The following PPFIA4 variants were observed in gnomAD, a reference collection of about 807,000 sequenced individuals.
The protein encoded by PPFIA4 is liprin-alpha-4.
PPFIA4 carries 98 observed loss-of-function variants against 145.7 expected under a neutral mutation model. That is an observed-to-expected ratio of 0.67 (90% CI 0.57 to 0.80). The LOEUF (loss-of-function observed/expected upper bound fraction) is 0.80. PPFIA4 is among the 30% of genes least tolerant of loss of function. The pLI, the probability that PPFIA4 is intolerant of heterozygous loss-of-function variation, is 0.00. For synonymous variants in PPFIA4, 628 were observed against 649.6 expected, an observed-to-expected ratio of 0.97 and a Z score of 0.51; for missense variants, 1,457 against 1,632.7, an observed-to-expected ratio of 0.89 and a Z score of 1.85.
In PPFIA4 at chr1:203,075,975, G is replaced by T. The variant is rs550483062; in HGVS notation, c.3574+218G>T. The T allele has an allele frequency of 5.5e-4, 294 of 534,522 alleles. 1 individual carries two copies. In the African/African-American group the frequency reaches 5.7e-3, roughly 10 times the overall value. 33.1% of individuals were successfully genotyped at this position (534,522 alleles called of 1,614,324 possible). Reference sequence around the variant, plus strand: ...GCTGCCGACTTCTCCCAGCTGGGACGGCGGGGTCGCAGAGACTGGAGACCT... The same window carrying T: ...GCTGCCGACTTCTCCCAGCTGGGACTGCGGGGTCGCAGAGACTGGAGACCT... On this transcript the variant is annotated intron_variant, in intron 29 of 29. Coordinates refer to ENST00000295706, the MANE Select transcript of PPFIA4 (RefSeq NM_001304331.2). The surrounding 1 kb of genome is among the most constrained non-coding windows in gnomAD (Gnocchi z 4.1).
At chr1:203,071,993 C>CT (rs1398679796) in intron 28 of PPFIA4, among the ~76,000 whole-genome samples, 20 of 152,194 alleles carry the variant, frequency 1.3e-4, no homozygotes, top group African/African-American at 4.8e-4. Context: ...TGTGCAAAAG[C>CT]TGAAGGCCCA....
At chr1:203,076,293 C>T (rs1662536656) in intron 29 of PPFIA4, 48 bp from the exon 30 acceptor site, 3 of 1,576,162 alleles carry the variant, frequency 1.9e-6, no homozygotes, top group Non-Finnish European at 1.7e-6. Context: ...TCGCAGATGC[C>T]CTGCAACCTG....
At chr1:203,058,283 G>C (rs1413073582) in intron 19 of PPFIA4, among the ~76,000 whole-genome samples, 1 of 151,992 alleles carries the variant, frequency 6.6e-6, no homozygotes, top group Admixed American at 6.6e-5. Context: ...GACAGGGAGA[G>C]GTCTGTGTGT....
chr1:203,048,694 ATGG>A lies in PPFIA4; in HGVS notation c.1337_1339del (p.Met446_Ala447delinsThr). On this transcript the variant is annotated inframe_deletion, in exon 11 of 30. Transcript: ENST00000295706. This position sits in a 1 kb window ranked among gnomAD's most constrained non-coding sequence, Gnocchi z 5.8. ...TCTGCAGCTCCACCTGAAGGAGCGC[ATGG>A]CTGCCCTGGAGGAGAAGGTGCCCAG... 1 of 1,530,394 alleles carries A rather than the reference ATGG, an allele frequency of 6.5e-7. No individual in the cohort carries two copies. Among genetic ancestry groups the A allele is most frequent in the Non-Finnish European group, 8.9e-7 (1 of 1,128,648 alleles). 94.8% of individuals were successfully genotyped at this position (1,530,394 alleles called of 1,614,324 possible).
At position 203,038,840 on chromosome 1, in the gene PPFIA4, C is replaced by G; in HGVS notation, c.-169C>G. 1 of 562,340 alleles carries G rather than the reference C, an allele frequency of 1.8e-6. No individual in the cohort carries two copies. The highest frequency in any genetic ancestry group is 2.2e-5 in the South Asian group (1 of 45,826). 34.8% of individuals were successfully genotyped at this position (562,340 alleles called of 1,614,324 possible). ...CCACAGGGGCACTCCAGACCCCAGG[C>G]CCCTTTCAGAGCAAAAGCAACTGAT... On this transcript the variant is annotated 5_prime_UTR_variant, in exon 2 of 30. Coordinates refer to ENST00000295706, the MANE Select transcript of PPFIA4 (RefSeq NM_001304331.2).
intron 1 of PPFIA4, among the ~76,000 whole-genome samples, chr1:203,027,986 A>C (rs114095737): frequency 0.014 from 2,109 of 152,336 alleles, 45 homozygotes; most frequent in African/African-American, 0.048. Context: ...GGGCAGCTTG[A>C]ATGATTTCCC....
At chr1:203,036,270 G>C (rs1659243982) in intron 1 of PPFIA4, among the ~76,000 whole-genome samples, 1 of 152,214 alleles carries the variant, frequency 6.6e-6, no homozygotes, top group Non-Finnish European at 1.5e-5. Flanking sequence ...TGTGGGTTTT[G>C]TCTTGTAGCC....
intron 24 of PPFIA4, 88 bp from the exon 25 acceptor site, chr1:203,063,740 C>A: frequency 7.3e-7 from 1 of 1,361,444 alleles, no homozygotes; most frequent in Non-Finnish European, 1.0e-6. Flanking sequence ...AGGATGGATT[C>A]ATGTGTCTCC....
At chr1:203,066,827 G>C (rs1442875997) in intron 25 of PPFIA4, among the ~76,000 whole-genome samples, 1 of 152,090 alleles carries the variant, frequency 6.6e-6, no homozygotes, top group Non-Finnish European at 1.5e-5. Flanking sequence ...CTGTGCTAGG[G>C]GTTTAGGATC....
At chr1:203,040,905 G>T (rs1435394279) in intron 2 of PPFIA4, among the ~76,000 whole-genome samples, 1 of 152,214 alleles carries the variant, frequency 6.6e-6, no homozygotes, top group East Asian at 1.9e-4. Flanking sequence ...TGAGGTCAGG[G>T]GTTGTGTCTT....
chr1:203,051,618 G>A (rs1660513060), intron 13 of PPFIA4, 151 bp from the exon 14 acceptor site: 3 of 1,397,610 alleles, frequency 2.1e-6, no homozygotes, highest in South Asian at 3.1e-5. Flanking sequence ...TGCTTACACG[G>A]CAGCCCTTCA....
At position 203,061,645 on chromosome 1, in the gene PPFIA4, C is replaced by A; in HGVS notation, c.2848-7C>A. 1 of 1,564,464 alleles carries A rather than the reference C, an allele frequency of 6.4e-7. No individual in the cohort carries two copies. Among genetic ancestry groups the A allele is most frequent in the Non-Finnish European group, 8.7e-7 (1 of 1,154,288 alleles). Reference sequence around the variant, plus strand: ...TTCCCCTAACACGCTGCACTCGTTCCTGCTAGGACAGTGAGGAGGGCAGCT... The same window carrying A: ...TTCCCCTAACACGCTGCACTCGTTCATGCTAGGACAGTGAGGAGGGCAGCT... On this transcript the variant is annotated splice_polypyrimidine_tract_variant and splice_region_variant and intron_variant, in intron 23 of 29. Transcript: ENST00000295706.
In PPFIA4 at chr1:203,060,357, C is replaced by T. The variant is rs749360345; in HGVS notation, c.2724C>T (p.Arg908=). The change falls in exon 22 of 30, where the codon CGC becomes CGT. Residue 908 remains arginine (R), a synonymous_variant. Coordinates refer to ENST00000295706, the MANE Select transcript of PPFIA4 (RefSeq NM_001304331.2). The surrounding 1 kb of genome is among the most constrained non-coding windows in gnomAD (Gnocchi z 4.8). Reference sequence around the variant, plus strand: ...ATGCCCTGCACCGGCTCAAGCTCCGCCTGGCCATTCAGGAGATGGTGTCAT... The same window carrying T: ...ATGCCCTGCACCGGCTCAAGCTCCGTCTGGCCATTCAGGAGATGGTGTCAT... ...ISNALHRLKL[R]LAIQEMVSLT... 1.2e-6 allele frequency: 2 copies of T among 1,614,032 alleles called. No individual in the cohort carries two copies. Among genetic ancestry groups the T allele is most frequent in the Non-Finnish European group, 8.5e-7 (1 of 1,179,912 alleles).
rs1662440324 is a variant in PPFIA4, at chr1:203,075,283, G to A, written c.3394-294G>A. On this transcript the variant is annotated intron_variant, in intron 28 of 29. Transcript: ENST00000295706. This position sits in a 1 kb window ranked among gnomAD's most constrained non-coding sequence, Gnocchi z 4.1. ...AAGCCTACTTTGAGAAGATTGCGGTGGGCTGGGAAACAGTTCAACTGCAGG... is the reference window on the plus strand; with the variant it reads ...AAGCCTACTTTGAGAAGATTGCGGTAGGCTGGGAAACAGTTCAACTGCAGG... Among the ~76,000 whole-genome samples, 1 of 152,066 alleles carries A rather than the reference G, an allele frequency of 6.6e-6. No individual in the cohort carries two copies. Among genetic ancestry groups the A allele is most frequent in the Admixed American group, 6.5e-5 (1 of 15,276 alleles).
At position 203,055,470 on chromosome 1, in the gene PPFIA4, CGGA is replaced by C. The variant is rs1160893534; in HGVS notation, c.1873_1875del (p.Glu625del). On this transcript the variant is annotated inframe_deletion, in exon 16 of 30. Transcript: ENST00000295706. The surrounding 1 kb of genome is among the most constrained non-coding windows in gnomAD (Gnocchi z 4.8). ...GAGAAGGAGTCCACGGAGCTCCGCG[CGGA>C]GGAGATTGAGACGCGTGTAACCAGT... 1.2e-6 allele frequency: 2 copies of C among 1,613,968 alleles called. No homozygotes were observed. Among genetic ancestry groups the C allele is most frequent in the South Asian group, 2.2e-5 (2 of 91,062 alleles).
At chr1:203,070,982 CT>C (rs1288208785) in intron 27 of PPFIA4, among the ~76,000 whole-genome samples, 1 of 149,032 alleles carries the variant, frequency 6.7e-6, no homozygotes, top group African/African-American at 2.5e-5. Flanking sequence ...GAGACAGGGT[CT>C]TGTTCTATCA....
intron 28 of PPFIA4, among the ~76,000 whole-genome samples, chr1:203,073,358 A>G (rs1459904904): frequency 6.6e-6 from 1 of 152,112 alleles, no homozygotes; most frequent in Non-Finnish European, 1.5e-5. Flanking sequence ...GCCTCCAGAC[A>G]TTGGGGTGGA....
At position 203,051,834 on chromosome 1, in the gene PPFIA4, G is replaced by A. The variant is rs1360832819; in HGVS notation, c.1577G>A (p.Gly526Asp). 1.2e-6 allele frequency: 2 copies of A among 1,613,848 alleles called. No homozygotes were observed. The highest frequency in any genetic ancestry group is 1.7e-6 in the Non-Finnish European group (2 of 1,179,850). Reference sequence around the variant, plus strand: ...GGCACAACCACACACGCACCCCCAGGCGTGCATCGCCGCTACTCGGCATTG... The same window carrying A: ...GGCACAACCACACACGCACCCCCAGACGTGCATCGCCGCTACTCGGCATTG... ...SLGTTTHAPPGVHRRYSALRE... is the reference protein window; with the variant it reads ...SLGTTTHAPPDVHRRYSALRE... The change falls in exon 14 of 30, where the codon GGC (glycine) becomes GAC (aspartate). Residue 526 changes from glycine (G) to aspartate (D), a missense_variant. Around this residue, in one of 3 missense-constraint regions of PPFIA4, gnomAD observed 848 missense variants for 1,046.7 expected, o/e 0.81. Transcript: ENST00000295706.
Position 203,076,248 on chromosome 1 carries a change from G to GCGTTGC in PPFIA4, c.3575-90_3575-85dup, listed in dbSNP as rs1553262134. On this transcript the variant is annotated intron_variant, in intron 29 of 29. Coordinates refer to ENST00000295706, the MANE Select transcript of PPFIA4 (RefSeq NM_001304331.2). Reference sequence around the variant, plus strand: ...GGGCGCTTTGCGCTTGGAGCACGCTGCGTTGCCGCTGTCGCACACATCCTA... The same window carrying GCGTTGC: ...GGGCGCTTTGCGCTTGGAGCACGCTGCGTTGCCGTTGCCGCTGTCGCACACATCCTA... The GCGTTGC allele has an allele frequency of 2.7e-5, 37 of 1,389,630 alleles. No homozygotes were observed. The South Asian group carries it at 3.5e-4, about 13-fold the overall frequency. The allele number at this position is 1,389,630 out of a possible 1,614,324, so 86.1% of individuals were successfully genotyped here.
Sources: allele counts gnomAD v4.1 joint callset (sites outside exome capture counted in the v4.1 genomes callset), GRCh38; gene constraint gnomAD v4.1.1; regional missense constraint gnomAD v4.1.1; non-coding constraint Gnocchi (gnomAD v3.1); transcripts MANE v1.5; gene names NCBI Gene and HGNC (gene_info 2026-07-23, HGNC 2026-07-21).